The following PRTG variants were observed in gnomAD, a reference collection of about 807,000 sequenced individuals.
PRTG encodes the protein protogenin, also known as immunoglobulin superfamily, DCC subclass, member 5.
In PRTG, 67 loss-of-function variants were observed where a neutral mutation model predicts 122.5. The observed-to-expected ratio is 0.55, with a 90% CI of 0.45 to 0.67. The LOEUF (loss-of-function observed/expected upper bound fraction) is 0.67, where lower values mean the gene tolerates loss of function less well. PRTG is among the 30% of genes least tolerant of loss of function. The pLI, the probability that PRTG is intolerant of heterozygous loss-of-function variation, is 0.00. For missense variants in PRTG, 1,435 were observed against 1,415.4 expected, an observed-to-expected ratio of 1.01 and a Z score of -0.22; for synonymous variants, 554 against 501.1, an observed-to-expected ratio of 1.11 and a Z score of -1.41.
intron 11 of PRTG, among the ~76,000 whole-genome samples, chr15:55,660,080 T>C (rs1160361554): frequency 6.6e-6 from 1 of 152,180 alleles, no homozygotes; most frequent in African/African-American, 2.4e-5. Context: ...TACATATGTG[T>C]GACCGCCTTA....
Position 55,641,126 on chromosome 15 carries a change from A to G in PRTG, c.2124T>C (p.Thr708=). 5 of 1,612,692 alleles carry G rather than the reference A, an allele frequency of 3.1e-6. No individual in the cohort carries two copies. Among genetic ancestry groups the G allele is most frequent in the Non-Finnish European group, 4.2e-6 (5 of 1,178,718 alleles). Residue 708 remains threonine (T), a synonymous_variant, in exon 12 of 20, where the codon ACT becomes ACC. Transcript: ENST00000389286. ...DGYQADQTVS[T]PGCVSVRDRM... is the part of the protein sequence containing the mutation. ...GCTTTCACTTACACACGCATCCTGG[A>G]GTGCTGACAGTCTGATCTGCCTGAT... is the stretch of plus-strand genomic sequence containing the variant.
chr15:55,643,689 G>A (rs143647077), intron 11 of PRTG, among the ~76,000 whole-genome samples: 91 of 152,162 alleles, frequency 6.0e-4, no homozygotes, highest in Middle Eastern at 3.4e-3. Flanking sequence ...CTCCCGAAGT[G>A]CTGGGATTAC....
At chr15:55,626,737 G>A (rs531531839) in intron 17 of PRTG, among the ~76,000 whole-genome samples, 3 of 151,910 alleles carry the variant, frequency 2.0e-5, no homozygotes, top group Admixed American at 1.3e-4. Context: ...CAGCCTGGGC[G>A]ACAGTGTGAG....
At chr15:55,629,516 G>A (rs953029359) in intron 15 of PRTG, among the ~76,000 whole-genome samples, 1 of 150,468 alleles carries the variant, frequency 6.6e-6, no homozygotes, top group Admixed American at 6.7e-5. Context: ...ACATGCACAC[G>A]AAAATAATGG....
At chr15:55,656,406 A>G in intron 11 of PRTG, 2 of 447,018 alleles carry the variant, frequency 4.5e-6, no homozygotes, top group Middle Eastern at 6.6e-4. Flanking sequence ...ACTTTAATTT[A>G]GGGTACTTTA....
intron 2 of PRTG, among the ~76,000 whole-genome samples, chr15:55,727,890 A>T (rs1304358020): frequency 6.6e-6 from 1 of 152,186 alleles, no homozygotes; most frequent in Non-Finnish European, 1.5e-5. Context: ...TTATTTAGAG[A>T]CAGAGTCTCT....
rs1476724667 is a variant in PRTG, at chr15:55,637,216, A to G, written c.2577T>C (p.Ser859=). The change falls in exon 15 of 20, where the codon TCT becomes TCC. Residue 859 remains serine, a synonymous_variant. Coordinates refer to ENST00000389286, the MANE Select transcript of PRTG (RefSeq NM_173814.6). ...ACTCTCCTGCAATCCAGGCCTTCCT[A>G]GATGCATATAAGATAGTATAGCGGG... The part of the protein sequence containing the change: ...VVTRYTILYA[S]RKAWIAGEWQ... 2 of 1,612,064 alleles carry G rather than the reference A, an allele frequency of 1.2e-6. No homozygotes were observed. Among genetic ancestry groups the G allele is most frequent in the Admixed American group, 1.7e-5 (1 of 59,566 alleles).
chr15:55,716,166 G>T (rs993182233), intron 2 of PRTG, among the ~76,000 whole-genome samples: 3 of 152,192 alleles, frequency 2.0e-5, no homozygotes, highest in African/African-American at 7.2e-5. Flanking sequence ...CCTAGAGGCG[G>T]AAGTTGCAGT....
intron 16 of PRTG, among the ~76,000 whole-genome samples, chr15:55,627,492 G>GTTTTTTTTTT (rs35022592): frequency 2.9e-4 from 30 of 104,768 alleles, no homozygotes; most frequent in Non-Finnish European, 3.4e-4. Flanking sequence ...GCCCAGCTAA[G>GTTTTTTTTTT]TTTTTTTTTT....
In PRTG at chr15:55,673,513, C is replaced by T. The variant is rs745797286; in HGVS notation, c.1710G>A (p.Pro570=). 9.3e-6 allele frequency: 15 copies of T among 1,613,966 alleles called. No homozygotes were observed. The highest frequency in any genetic ancestry group is 2.2e-5 in the South Asian group (2 of 91,082). ...TENSIQVLEL[P]GTTHEYLLEG... Reference sequence around the variant, plus strand: ...CCAAAAGGTACTCATGCGTGGTCCCCGGGAGCTCCAGAACTTGGATTGAAT... The same window carrying T: ...CCAAAAGGTACTCATGCGTGGTCCCTGGGAGCTCCAGAACTTGGATTGAAT... Residue 570 remains proline, a synonymous_variant, in exon 10 of 20, where the codon CCG becomes CCA. Transcript: ENST00000389286.
chr15:55,701,052 A>T (rs1195406659), intron 2 of PRTG, among the ~76,000 whole-genome samples: 4 of 152,224 alleles, frequency 2.6e-5, no homozygotes, highest in African/African-American at 4.8e-5. Context: ...GAGAAATGCA[A>T]ATTAAAACCA....
chr15:55,635,761 A>G (rs1324624358), intron 15 of PRTG, among the ~76,000 whole-genome samples: 2 of 152,174 alleles, frequency 1.3e-5, no homozygotes, highest in Non-Finnish European at 1.5e-5. Context: ...ATGAACATAA[A>G]TATCTTTTAA....
intron 2 of PRTG, among the ~76,000 whole-genome samples, chr15:55,724,726 C>G (rs1032363879): frequency 1.3e-5 from 2 of 152,024 alleles, no homozygotes; most frequent in Non-Finnish European, 2.9e-5. Flanking sequence ...CCATGGCACT[C>G]CAGCCTAGGC....
At chr15:55,645,699 T>TGGGACAAACCAGAGACCA (rs1324632509) in intron 11 of PRTG, among the ~76,000 whole-genome samples, 13 of 152,084 alleles carry the variant, frequency 8.5e-5, no homozygotes, top group Admixed American at 8.5e-4. Context: ...CCAACGCCTA[T>TGGGACAAACCAGAGACCA]GGGACAAACC....
chr15:55,639,934 T>C, intron 12 of PRTG, 106 bp from the exon 13 acceptor site: 1 of 1,488,890 alleles, frequency 6.7e-7, no homozygotes, highest in African/African-American at 1.4e-5. Context: ...TGATTTTAGG[T>C]CTTTCTTCCA....
rs371560935 is a variant in PRTG at position 55,678,034 on chromosome 15, T to C, written c.1144A>G (p.Ile382Val). The C allele has an allele frequency of 5.9e-5, 93 of 1,579,694 alleles. No homozygotes were observed. Among genetic ancestry groups the C allele is most frequent in the Non-Finnish European group, 7.5e-5 (87 of 1,154,476 alleles). ...RIKMYNSKLVINQIIPEDDAI... is the reference protein window; with the variant it reads ...RIKMYNSKLVVNQIIPEDDAI... ...TCATCTTCAGGAATAATCTGGTTAA[T>C]TACCAATTTACTAGGGAAAGAAAAA... The change falls in exon 8 of 20, where the codon ATT becomes GTT. Residue 382 changes from isoleucine (I) to valine (V), a missense_variant. Ile to Val is a conservative substitution (Grantham distance 29). Transcript: ENST00000389286.
chr15:55,646,327 CTT>C (rs368603650), intron 11 of PRTG, among the ~76,000 whole-genome samples: 3 of 127,646 alleles, frequency 2.4e-5, no homozygotes, highest in African/African-American at 6.7e-5. Flanking sequence ...CCTCAATTCT[CTT>C]TTTTTTTTTT....
At position 55,613,626 on chromosome 15, in the gene PRTG, C is replaced by T. The variant is rs1473425415; in HGVS notation, c.*6386G>A. The T allele has an allele frequency of 1.3e-5, 2 of 151,950 alleles. No homozygotes were observed. The highest frequency in any genetic ancestry group is 4.8e-5 in the African/African-American group (2 of 41,390). The allele number at this position is 151,950 out of a possible 1,614,324, so 9.4% of individuals were successfully genotyped here. ...AATAAGTGGATTTAAATAAGGTAGT[C>T]TTCTCTTTTTCGATTGGTTATTACT... On this transcript the variant is annotated 3_prime_UTR_variant, in exon 20 of 20. Coordinates refer to ENST00000389286, the MANE Select transcript of PRTG (RefSeq NM_173814.6).
At chr15:55,692,216 C>T (rs1042112950) in intron 2 of PRTG, among the ~76,000 whole-genome samples, 1 of 152,018 alleles carries the variant, frequency 6.6e-6, no homozygotes, top group African/African-American at 2.4e-5. Context: ...TCTAAGCCCA[C>T]AAACATGTTG....
Sources: allele counts gnomAD v4.1 joint callset (sites outside exome capture counted in the v4.1 genomes callset), GRCh38; gene constraint gnomAD v4.1.1; transcripts MANE v1.5; gene names NCBI Gene and HGNC (gene_info 2026-07-23, HGNC 2026-07-21).